Variants in MAGI1 observed in about 807,000 individuals in gnomAD.
The protein encoded by MAGI1 is membrane-associated guanylate kinase, WW and PDZ domain-containing protein 1.
MAGI1 carries 58 observed loss-of-function variants against 139.9 expected under a neutral mutation model. The ratio of observed to expected loss-of-function variants is 0.41; its 90% CI spans 0.34 to 0.52. MAGI1 has a LOEUF of 0.52. MAGI1 is among the 20% of genes least tolerant of loss of function. The probability of loss-of-function intolerance (pLI) is 0.12; values close to 1 mark genes in which losing one functional copy is unlikely to be tolerated. For missense variants in MAGI1, 1,874 were observed against 1,901.6 expected (o/e 0.99, Z 0.27); for synonymous variants, 812 against 737.9 (o/e 1.10, Z -1.63).
chr3:65,911,320 A>C (rs551108149), intron 1 of MAGI1, among the ~76,000 whole-genome samples: 1 of 152,110 alleles, frequency 6.6e-6, no homozygotes, highest in East Asian at 2.0e-4. Context: ...AATCTCAAGC[A>C]GAAAAAGACA....
intron 1 of MAGI1, among the ~76,000 whole-genome samples, chr3:65,969,925 G>C (rs1403573434): frequency 6.6e-6 from 1 of 152,186 alleles, no homozygotes; most frequent in Non-Finnish European, 1.5e-5. Flanking sequence ...CTTTAGAACA[G>C]TTGCCAGCAT....
At chr3:65,828,647 G>T (rs1160856865) in intron 1 of MAGI1, among the ~76,000 whole-genome samples, 1 of 152,138 alleles carries the variant, frequency 6.6e-6, no homozygotes, top group Non-Finnish European at 1.5e-5. Flanking sequence ...CCCTAATGAT[G>T]TCCACGTTCT....
At chr3:65,968,599 A>ATATATATAT (rs1469693035) in intron 1 of MAGI1, among the ~76,000 whole-genome samples, 2 of 150,884 alleles carry the variant, frequency 1.3e-5, no homozygotes, top group Non-Finnish European at 3.0e-5. Flanking sequence ...TCTATATAAT[A>ATATATATAT]TATATATATT....
chr3:65,570,817 ACT>A (rs1482020864), intron 2 of MAGI1, among the ~76,000 whole-genome samples: 1 of 151,978 alleles, frequency 6.6e-6, no homozygotes, highest in Non-Finnish European at 1.5e-5. Context: ...TAGAGACTAA[ACT>A]CTTTTTCTCA....
At chr3:65,693,847 C>G (rs147225323) in intron 1 of MAGI1, among the ~76,000 whole-genome samples, 360 of 152,170 alleles carry the variant, frequency 2.4e-3, no homozygotes, top group African/African-American at 8.3e-3. Flanking sequence ...CCTCAGCCCC[C>G]GAGCAGCTGG....
chr3:65,763,528 T>A (rs77383031), intron 1 of MAGI1, among the ~76,000 whole-genome samples: 1 of 152,080 alleles, frequency 6.6e-6, no homozygotes, highest in East Asian at 1.9e-4. Flanking sequence ...ACTTTTTCTA[T>A]AGTAACTCAT....
intron 2 of MAGI1, among the ~76,000 whole-genome samples, chr3:65,580,563 C>A (rs948814804): frequency 6.6e-6 from 1 of 152,050 alleles, no homozygotes; most frequent in African/African-American, 2.4e-5. Flanking sequence ...TTTCAATTAA[C>A]AAGTCACGCA....
intron 6 of MAGI1, among the ~76,000 whole-genome samples, chr3:65,449,704 G>A (rs1004425027): frequency 2.0e-5 from 3 of 152,096 alleles, no homozygotes; most frequent in Non-Finnish European, 4.4e-5. Context: ...TGAACAGGGA[G>A]GCAAAGGTTG....
At chr3:65,780,316 G>T (rs565442496) in intron 1 of MAGI1, among the ~76,000 whole-genome samples, 20 of 152,226 alleles carry the variant, frequency 1.3e-4, no homozygotes, top group African/African-American at 4.8e-4. Context: ...GACACATCAC[G>T]CCCAGCCTAT....
chr3:66,013,773 A>AAAAG (rs1326977178), intron 1 of MAGI1, among the ~76,000 whole-genome samples: 1 of 151,948 alleles, frequency 6.6e-6, no homozygotes, highest in South Asian at 2.1e-4. Flanking sequence ...AAAAAAAAAA[A>AAAAG]AAAGAAAGAA....
At chr3:65,566,551 G>C (rs1181719168) in intron 2 of MAGI1, among the ~76,000 whole-genome samples, 1 of 151,946 alleles carries the variant, frequency 6.6e-6, no homozygotes, top group African/African-American at 2.4e-5. Context: ...TGGTTCCAAA[G>C]TTAAGGCTTT....
chr3:65,681,779 A>G (rs915196023), intron 1 of MAGI1, among the ~76,000 whole-genome samples: 1 of 152,264 alleles, frequency 6.6e-6, no homozygotes, highest in African/African-American at 2.4e-5. Context: ...CTTAAGAATT[A>G]GATGCCCAAG....
chr3:65,722,959 T>C (rs1178333493), intron 1 of MAGI1, among the ~76,000 whole-genome samples: 11 of 150,086 alleles, frequency 7.3e-5, no homozygotes, highest in African/African-American at 2.0e-4. Flanking sequence ...AAGATGTAGA[T>C]ATCTGTTGTA....
intron 2 of MAGI1, among the ~76,000 whole-genome samples, chr3:65,581,268 C>T (rs1006744503): frequency 2.0e-5 from 3 of 151,768 alleles, no homozygotes; most frequent in African/African-American, 4.8e-5. Flanking sequence ...GATGTAGTGA[C>T]GATATGACTT....
intron 3 of MAGI1, among the ~76,000 whole-genome samples, chr3:65,490,918 G>A (rs1446722341): frequency 2.0e-4 from 31 of 151,246 alleles, no homozygotes; most frequent in Admixed American, 2.0e-3. Flanking sequence ...CTGCTAATAG[G>A]CCAAAGGCTG....
intron 7 of MAGI1, 64 bp from the exon 8 acceptor site, chr3:65,442,913 A>T: frequency 8.0e-7 from 1 of 1,252,056 alleles, no homozygotes; most frequent in Non-Finnish European, 1.2e-6. Flanking sequence ...GGTGTTTTCA[A>T]CAACTGAGTT....
At chr3:65,437,286 A>T in intron 9 of MAGI1, 39 bp from the exon 10 acceptor site, 1 of 1,345,082 alleles carries the variant, frequency 7.4e-7, no homozygotes, top group Non-Finnish European at 1.1e-6. Flanking sequence ...TTTTCCTTCA[A>T]ATGGCTCATT....
chr3:65,667,042 T>G (rs762099360), intron 1 of MAGI1, among the ~76,000 whole-genome samples: 11 of 152,200 alleles, frequency 7.2e-5, no homozygotes, highest in Non-Finnish European at 1.2e-4. Context: ...TAAACAGCAG[T>G]GTCCTATTTG....
chr3:65,521,808 A>T (rs1207093861), intron 2 of MAGI1, among the ~76,000 whole-genome samples: 4 of 152,232 alleles, frequency 2.6e-5, no homozygotes, highest in Admixed American at 2.6e-4. Context: ...CAGTTTTTAC[A>T]AAGAAGCTAC....
Sources: gnomAD v4.1 joint callset for allele counts (sites outside exome capture counted in the v4.1 genomes callset) on GRCh38, gnomAD v4.1.1 for gene constraint, MANE v1.5 for transcripts, NCBI Gene and HGNC (gene_info 2026-07-23, HGNC 2026-07-21) for gene names.